The following TBL1X variants were observed in gnomAD, a reference collection of about 807,000 sequenced individuals.
TBL1X encodes the protein F-box-like/WD repeat-containing protein TBL1X.
TBL1X carries 10 observed loss-of-function variants against 50.7 expected under a neutral mutation model. The observed-to-expected ratio is 0.20, with a 90% CI of 0.12 to 0.33. The LOEUF is 0.33. Ranked by LOEUF, TBL1X falls within the 10% of genes least tolerant of loss-of-function variation. TBL1X has a pLI of 1.00. For missense variants in TBL1X, 340 were observed against 504.4 expected (o/e 0.67, Z 3.12); for synonymous variants, 190 against 214.7 (o/e 0.88, Z 1.01).
intron 2 of TBL1X, among the ~76,000 whole-genome samples, chrX:9,631,709 T>C (rs1255905073): frequency 8.8e-6 from 1 of 113,147 alleles, no homozygotes; most frequent in Non-Finnish European, 1.9e-5. Context: ...TACGTTGTTA[T>C]TAATTTTGTA....
chrX:9,689,942 A>AT (rs753902240), intron 7 of TBL1X, among the ~76,000 whole-genome samples: 1 of 112,256 alleles, frequency 8.9e-6, no homozygotes, highest in Admixed American at 9.4e-5. Flanking sequence ...GCGTTTTCTT[A>AT]TTTTTTACAT....
chrX:9,697,752 C>T (rs1160685718), intron 12 of TBL1X, among the ~76,000 whole-genome samples: 4 of 111,624 alleles, frequency 3.6e-5, no homozygotes, highest in Non-Finnish European at 7.5e-5. Flanking sequence ...TCCTGGGCGA[C>T]AGAGCCAGAC....
At chrX:9,681,566 A>G (rs2083025870) in intron 5 of TBL1X, among the ~76,000 whole-genome samples, 1 of 112,538 alleles carries the variant, frequency 8.9e-6, no homozygotes, top group Admixed American at 9.4e-5. Flanking sequence ...TGTGACTGCA[A>G]GTACCAGTTC....
intron 1 of TBL1X, among the ~76,000 whole-genome samples, chrX:9,479,749 T>A (rs954440160): frequency 9.0e-6 from 1 of 111,708 alleles, no homozygotes; most frequent in African/African-American, 3.3e-5. Flanking sequence ...TGGGGACACA[T>A]GGAGTTAGCC....
At chrX:9,608,550 G>A (rs935514533) in intron 2 of TBL1X, among the ~76,000 whole-genome samples, 5 of 111,166 alleles carry the variant, frequency 4.5e-5, no homozygotes, top group Admixed American at 1.9e-4. Flanking sequence ...TCTTTGAAGC[G>A]GAGTGGGAAT....
intron 2 of TBL1X, among the ~76,000 whole-genome samples, chrX:9,605,219 C>G (rs1425197669): frequency 9.0e-6 from 1 of 111,035 alleles, no homozygotes; most frequent in Non-Finnish European, 1.9e-5. Context: ...CTCATTAGAG[C>G]CCACACATGA....
intron 2 of TBL1X, among the ~76,000 whole-genome samples, chrX:9,519,181 A>G (rs2082095300): frequency 8.9e-6 from 1 of 112,124 alleles, no homozygotes; most frequent in Non-Finnish European, 1.9e-5. Flanking sequence ...GAGACATGGA[A>G]TGCCACAATG....
At chrX:9,674,338 C>T (rs897444547) in intron 5 of TBL1X, among the ~76,000 whole-genome samples, 34 of 110,524 alleles carry the variant, frequency 3.1e-4, no homozygotes, top group African/African-American at 1.1e-3. Flanking sequence ...TGCCTCACTG[C>T]AGCCTCAGCC....
chrX:9,561,295 G>A (rs189673203), intron 2 of TBL1X, among the ~76,000 whole-genome samples: 2 of 111,936 alleles, frequency 1.8e-5, no homozygotes, highest in Non-Finnish European at 3.8e-5. Context: ...CAGGAGTTCC[G>A]CAGCGTCTTT....
chrX:9,561,347 G>A (rs1475213853), intron 2 of TBL1X, among the ~76,000 whole-genome samples: 1 of 111,306 alleles, frequency 9.0e-6, no homozygotes, highest in Admixed American at 9.6e-5. Flanking sequence ...TGTTGGGGTT[G>A]TTTGGTGGTG....
rs371685991 is a variant in TBL1X, at chrX:9,684,031, C to T, written c.212-12C>T. 20 of 1,210,048 alleles carry T rather than the reference C, an allele frequency of 1.7e-5. No homozygotes were observed. The African/African-American group carries it at 3.0e-4, about 18-fold the overall frequency. The stretch of plus-strand genomic sequence containing the variant: ...GGTCTCACTCAACCTCAGCTTTCCC[C>T]TCTTGCCACAGGTTTTTCCCACTCG... On this transcript the variant is annotated splice_polypyrimidine_tract_variant and intron_variant, in intron 5 of 17. Coordinates refer to ENST00000645353, the MANE Select transcript of TBL1X (RefSeq NM_005647.4).
intron 5 of TBL1X, among the ~76,000 whole-genome samples, chrX:9,659,225 C>G (rs1348139817): frequency 8.9e-6 from 1 of 112,485 alleles, no homozygotes; most frequent in Non-Finnish European, 1.9e-5. Context: ...CAGGACAGTT[C>G]TGTCACCCTC....
chrX:9,671,408 T>C (rs2082959674), intron 5 of TBL1X, among the ~76,000 whole-genome samples: 2 of 112,939 alleles, frequency 1.8e-5, no homozygotes, highest in African/African-American at 6.4e-5. Flanking sequence ...CCTGTGGGCA[T>C]GCGGCCCATG....
intron 2 of TBL1X, among the ~76,000 whole-genome samples, chrX:9,539,806 C>T (rs1246472522): frequency 8.9e-6 from 1 of 111,974 alleles, no homozygotes; most frequent in African/African-American, 3.2e-5. Flanking sequence ...TTACATCTTC[C>T]CACTCCACCC....
intron 15 of TBL1X, 31 bp downstream of exon 15, chrX:9,709,791 C>G (rs180683131): frequency 1.7e-6 from 2 of 1,198,534 alleles, no homozygotes; most frequent in East Asian, 6.0e-5. Context: ...TGGCACAGCT[C>G]GGTGTTACAC....
intron 2 of TBL1X, among the ~76,000 whole-genome samples, chrX:9,504,191 C>T (rs138111303): frequency 0.043 from 4,818 of 111,047 alleles, 259 homozygotes; most frequent in African/African-American, 0.15. Flanking sequence ...CTGCAGCAGC[C>T]CTACAGAAGA....
chrX:9,466,200 C>T (rs1444064082), intron 1 of TBL1X, among the ~76,000 whole-genome samples: 4 of 112,531 alleles, frequency 3.6e-5, no homozygotes, highest in African/African-American at 9.7e-5. Context: ...TCTCGCAGAT[C>T]CTGGGCCCCG....
At chrX:9,509,212 A>C (rs1285959516) in intron 2 of TBL1X, among the ~76,000 whole-genome samples, 63 of 106,385 alleles carry the variant, frequency 5.9e-4, no homozygotes, top group South Asian at 2.2e-3. Context: ...ATGGTGAAAC[A>C]CCGTCTCTAC....
At chrX:9,585,337 C>CTCT (rs1328690298) in intron 2 of TBL1X, among the ~76,000 whole-genome samples, 12 of 72,192 alleles carry the variant, frequency 1.7e-4, no homozygotes, top group African/African-American at 6.9e-4. Flanking sequence ...CACCCCCCTC[C>CTCT]CCTCCCCCCC....
Sources: allele counts gnomAD v4.1 joint callset (sites outside exome capture counted in the v4.1 genomes callset), GRCh38; gene constraint gnomAD v4.1.1; transcripts MANE v1.5; gene names NCBI Gene and HGNC (gene_info 2026-07-23, HGNC 2026-07-21).